CDH8: variants seen among roughly 807,000 people sequenced by gnomAD.
CDH8 encodes cadherin 8, also known as cadherin-8.
Under a neutral mutation model 68.1 loss-of-function variants are expected in CDH8, and 17 were observed. The observed-to-expected ratio is 0.25, with a 90% CI of 0.17 to 0.37. The LOEUF (loss-of-function observed/expected upper bound fraction) is 0.37, where lower values mean the gene tolerates loss of function less well. Among genes scored for constraint, CDH8 ranks in the 10% least tolerant of loss-of-function variants. The pLI, the probability that CDH8 is intolerant of heterozygous loss-of-function variation, is 1.00. For missense variants in CDH8, 763 were observed against 999.3 expected (o/e 0.76, Z 3.19); for synonymous variants, 372 against 365.1 (o/e 1.02, Z -0.21).
At chr16:61,779,376 A>G (rs1257534077) in intron 8 of CDH8, among the ~76,000 whole-genome samples, 1 of 150,466 alleles carries the variant, frequency 6.6e-6, no homozygotes, top group Non-Finnish European at 1.5e-5. Context: ...ACAATGCCTC[A>G]TCTTTCTTTG....
At chr16:61,918,984 G>A (rs1332118674) in intron 2 of CDH8, among the ~76,000 whole-genome samples, 1 of 147,448 alleles carries the variant, frequency 6.8e-6, no homozygotes, top group African/African-American at 2.5e-5. Flanking sequence ...CCGGCAGACT[G>A]CCTCTTCAAG....
intron 8 of CDH8, chr16:61,743,241 C>T (rs1959923792): frequency 6.6e-6 from 1 of 152,166 alleles, no homozygotes; most frequent in Non-Finnish European, 1.5e-5. Context: ...ACAAATGAAG[C>T]TTGAGACCGT....
chr16:61,738,811 G>A (rs529408455), intron 8 of CDH8, among the ~76,000 whole-genome samples: 33 of 152,078 alleles, frequency 2.2e-4, no homozygotes, highest in African/African-American at 5.5e-4. Flanking sequence ...CTTTTGATGC[G>A]TGTGTATGTG....
intron 10 of CDH8, among the ~76,000 whole-genome samples, chr16:61,701,725 G>A (rs1964431297): frequency 1.3e-5 from 2 of 152,292 alleles, no homozygotes; most frequent in South Asian, 4.1e-4. Flanking sequence ...TTTTATGGTT[G>A]ATGTGCAATT....
chr16:61,978,764 C>A (rs1422892566), intron 2 of CDH8, among the ~76,000 whole-genome samples: 1 of 152,092 alleles, frequency 6.6e-6, no homozygotes, highest in Non-Finnish European at 1.5e-5. Context: ...ACTAGACCAC[C>A]CCTCTTTAGC....
chr16:61,973,308 T>C (rs1353072237), intron 2 of CDH8, among the ~76,000 whole-genome samples: 6 of 152,370 alleles, frequency 3.9e-5, no homozygotes, highest in African/African-American at 1.4e-4. Context: ...ATTTTCTTAA[T>C]AACATTTTCT....
intron 7 of CDH8, among the ~76,000 whole-genome samples, chr16:61,815,326 T>A (rs1360473676): frequency 6.6e-6 from 1 of 152,212 alleles, no homozygotes; most frequent in Non-Finnish European, 1.5e-5. Flanking sequence ...GCAACTACAA[T>A]GAGAATCTTC....
chr16:61,934,575 G>A (rs1376447583), intron 2 of CDH8, among the ~76,000 whole-genome samples: 1 of 152,080 alleles, frequency 6.6e-6, no homozygotes, highest in African/African-American at 2.4e-5. Flanking sequence ...AAAATATAAA[G>A]TCAAAACAGA....
intron 2 of CDH8, among the ~76,000 whole-genome samples, chr16:61,988,678 A>G (rs533166783): frequency 6.6e-6 from 1 of 152,360 alleles, no homozygotes; most frequent in South Asian, 2.1e-4. Flanking sequence ...AATTACAGGA[A>G]AAAACAAGTT....
intron 4 of CDH8, among the ~76,000 whole-genome samples, chr16:61,845,005 T>C (rs1962773901): frequency 6.6e-6 from 1 of 152,166 alleles, no homozygotes; most frequent in South Asian, 2.1e-4. Flanking sequence ...GCAAAGTTAA[T>C]TGTATAAGAA....
chr16:61,954,201 G>A (rs1364958717), intron 2 of CDH8, among the ~76,000 whole-genome samples: 2 of 151,908 alleles, frequency 1.3e-5, no homozygotes, highest in African/African-American at 2.4e-5. Flanking sequence ...GAAGTTGGTT[G>A]TTCAGCTCTC....
intron 8 of CDH8, among the ~76,000 whole-genome samples, chr16:61,783,920 A>G (rs1298892268): frequency 6.6e-6 from 1 of 152,202 alleles, no homozygotes; most frequent in Non-Finnish European, 1.5e-5. Context: ...CTGCCCTATA[A>G]GAGCTCCTGA....
intron 10 of CDH8, among the ~76,000 whole-genome samples, chr16:61,711,064 T>C (rs941042890): frequency 4.6e-5 from 7 of 151,964 alleles, no homozygotes; most frequent in African/African-American, 1.7e-4. Context: ...CCTTTACTTC[T>C]ATCTTTATTT....
rs78554014 is a variant in CDH8 at position 61,976,616 on chromosome 16, A to G, written c.252+44536T>C. On this transcript the variant is annotated intron_variant, in intron 2 of 11. Coordinates refer to ENST00000577390, the MANE Select transcript of CDH8 (RefSeq NM_001796.5). Reference sequence around the variant, plus strand: ...TCTATGAGCTTTCTGATATTCTACCACTATTTCTGCTTAAGCCAACTGGAA... The same window carrying G: ...TCTATGAGCTTTCTGATATTCTACCGCTATTTCTGCTTAAGCCAACTGGAA... Among the ~76,000 whole-genome samples, 640 of 152,248 alleles carry G rather than the reference A, an allele frequency of 4.2e-3. 5 individuals carry two copies. The highest frequency in any genetic ancestry group is 7.0e-3 in the Non-Finnish European group (475 of 67,998).
At chr16:61,967,073 C>T (rs1965263771) in intron 2 of CDH8, among the ~76,000 whole-genome samples, 1 of 152,094 alleles carries the variant, frequency 6.6e-6, no homozygotes, top group South Asian at 2.1e-4. Flanking sequence ...TGGTGGCACA[C>T]ACTTGTGGTC....
chr16:61,949,472 A>G (rs1036223143), intron 2 of CDH8, among the ~76,000 whole-genome samples: 4 of 152,054 alleles, frequency 2.6e-5, no homozygotes, highest in African/African-American at 9.7e-5. Flanking sequence ...GTCCCCTTCC[A>G]CACTGTGGAA....
At position 61,675,631 on chromosome 16, in the gene CDH8, A is replaced by G. The variant is rs1963891530; in HGVS notation, c.1655-19910T>C. ...AAATAAAAAAAATAAAAAAAATAAA[A>G]AAAAATAAAAATAGTGTTATCATTT... is the stretch of plus-strand genomic sequence containing the variant. On this transcript the variant is annotated intron_variant, in intron 10 of 11. Transcript: ENST00000577390. Among the ~76,000 whole-genome samples the G allele has an allele frequency of 1.2e-4, 3 of 25,260 alleles. 1 individual carries two copies. The South Asian group carries it at 2.6e-3, about 22-fold the overall frequency. 16.6% of individuals were successfully genotyped at this position (25,260 alleles called of 152,430 possible).
At chr16:61,866,797 A>T (rs972672531) in intron 3 of CDH8, among the ~76,000 whole-genome samples, 26 of 152,194 alleles carry the variant, frequency 1.7e-4, no homozygotes. Context: ...ACATACAATC[A>T]GTATTCTCCA....
At chr16:61,950,695 A>G (rs559657840) in intron 2 of CDH8, among the ~76,000 whole-genome samples, 1 of 152,302 alleles carries the variant, frequency 6.6e-6, no homozygotes, top group South Asian at 2.1e-4. Flanking sequence ...TTAAAACCGC[A>G]TATTCACTAT....
Sources: gnomAD v4.1 joint callset for allele counts (sites outside exome capture counted in the v4.1 genomes callset) on GRCh38, gnomAD v4.1.1 for gene constraint, MANE v1.5 for transcripts, NCBI Gene and HGNC (gene_info 2026-07-23, HGNC 2026-07-21) for gene names.